Variants in PRORP observed in about 807,000 individuals in gnomAD.
PRORP encodes mitochondrial ribonuclease P catalytic subunit.
In PRORP, 51 loss-of-function variants were observed where a neutral mutation model predicts 59.4. The ratio of observed to expected loss-of-function variants is 0.86; its 90% CI spans 0.69 to 1.08. PRORP has a LOEUF of 1.08. Among genes scored for constraint, PRORP ranks in the 50% least tolerant of loss-of-function variants. The pLI is 0.00. For synonymous variants in PRORP, 231 were observed against 245.6 expected, an observed-to-expected ratio of 0.94 and a Z score of 0.55; for missense variants, 646 against 690.3, an observed-to-expected ratio of 0.94 and a Z score of 0.72.
rs767022790 is a variant in PRORP, at chr14:35,123,827, T to C, written c.582T>C (p.Val194=). 2 of 1,614,058 alleles carry C rather than the reference T, an allele frequency of 1.2e-6. No individual in the cohort carries two copies. Among genetic ancestry groups the C allele is most frequent in the Non-Finnish European group, 1.7e-6 (2 of 1,180,024 alleles). The change falls in exon 2 of 8, where the codon GTT becomes GTC. Residue 194 remains valine, a synonymous_variant. Transcript: ENST00000534898. ...LCVFHMQTSE[V]IDVFEIMKAR... ...TCTTTCATATGCAGACATCTGAAGT[T>C]ATTGATGTCTTTGAAATTATGAAAG... is the stretch of plus-strand genomic sequence containing the variant.
chr14:35,245,212 C>T (rs1419291792), intron 5 of PRORP, among the ~76,000 whole-genome samples: 1 of 152,150 alleles, frequency 6.6e-6, no homozygotes, highest in African/African-American at 2.4e-5. Flanking sequence ...TAGGTCAAAA[C>T]AAAAATTTTT....
chr14:35,267,215 T>C (rs1287595433), intron 6 of PRORP, among the ~76,000 whole-genome samples: 1 of 152,200 alleles, frequency 6.6e-6, no homozygotes, highest in Non-Finnish European at 1.5e-5. Flanking sequence ...GAGCACCTTC[T>C]ATGTTCTTGG....
chr14:35,192,601 T>G (rs574042728), intron 5 of PRORP, among the ~76,000 whole-genome samples: 1 of 152,342 alleles, frequency 6.6e-6, no homozygotes, highest in South Asian at 2.1e-4. Context: ...TTTCAATAAA[T>G]TAGGTTTTCT....
chr14:35,123,190 A>G lies in PRORP; in HGVS notation c.-56A>G. ...CCCCCAATCTCTTTAATTTTGCCATAGAAGAGGGGTTTTTTCAACATCTCT... is the reference window on the plus strand; with the variant it reads ...CCCCCAATCTCTTTAATTTTGCCATGGAAGAGGGGTTTTTTCAACATCTCT... On this transcript the variant is annotated 5_prime_UTR_variant, in exon 2 of 8. It adds an upstream start codon to the 5' untranslated region. Coordinates refer to ENST00000534898, the MANE Select transcript of PRORP (RefSeq NM_014672.4). 5 of 1,537,230 alleles carry G rather than the reference A, an allele frequency of 3.3e-6. No homozygotes were observed. The highest frequency in any genetic ancestry group is 4.4e-6 in the Non-Finnish European group (5 of 1,144,268).
At chr14:35,132,476 G>GA (rs963377760) in intron 4 of PRORP, among the ~76,000 whole-genome samples, 8 of 148,544 alleles carry the variant, frequency 5.4e-5, no homozygotes, top group African/African-American at 2.0e-4. Flanking sequence ...TAAAAAACAA[G>GA]AAAAAAAAGA....
intron 5 of PRORP, among the ~76,000 whole-genome samples, chr14:35,203,047 TAAG>T (rs991901448): frequency 2.6e-5 from 4 of 152,224 alleles, no homozygotes; most frequent in African/African-American, 7.2e-5. Context: ...ATTTTTTTAA[TAAG>T]AAGGTTTTTT....
chr14:35,150,877 C>A (rs1159496538), intron 4 of PRORP, among the ~76,000 whole-genome samples: 1 of 152,036 alleles, frequency 6.6e-6, no homozygotes, highest in Admixed American at 6.6e-5. Context: ...GATAAAGTCA[C>A]CTTTAGGAGG....
intron 7 of PRORP, among the ~76,000 whole-genome samples, chr14:35,272,015 G>A (rs1466957112): frequency 6.7e-6 from 1 of 148,290 alleles, no homozygotes; most frequent in African/African-American, 2.5e-5. Flanking sequence ...GACAGAGCGA[G>A]ACTCCGTCTC....
rs145183019 is a variant in PRORP at position 35,243,743 on chromosome 14, C to T, written c.1276-22984C>T. 1.6e-3 allele frequency among the ~76,000 whole-genome samples: 248 copies of T among 152,180 alleles called. 3 individuals carry two copies. Among genetic ancestry groups the T allele is most frequent in the African/African-American group, 5.8e-3 (241 of 41,524 alleles). The stretch of plus-strand genomic sequence containing the variant: ...CTAGTTCCTTAACCTTGCTGTGGCT[C>T]AGTTTCCCCATAAGTAAAAGGGAAG... On this transcript the variant is annotated intron_variant, in intron 5 of 7. Coordinates refer to ENST00000534898, the MANE Select transcript of PRORP (RefSeq NM_014672.4).
At chr14:35,227,215 G>C (rs2138474283) in intron 5 of PRORP, among the ~76,000 whole-genome samples, 1 of 151,102 alleles carries the variant, frequency 6.6e-6, no homozygotes, top group African/African-American at 2.4e-5. Flanking sequence ...AGGCCGAGGT[G>C]GGTGGATCAC....
At chr14:35,177,450 C>G (rs1202305122) in intron 4 of PRORP, among the ~76,000 whole-genome samples, 1 of 152,156 alleles carries the variant, frequency 6.6e-6, no homozygotes, top group Non-Finnish European at 1.5e-5. Flanking sequence ...AGAGATTCAA[C>G]TTCTTCCTGG....
chr14:35,210,583 A>G (rs1475218063), intron 5 of PRORP, among the ~76,000 whole-genome samples: 1 of 151,566 alleles, frequency 6.6e-6, no homozygotes, highest in Non-Finnish European at 1.5e-5. Flanking sequence ...GAAGAGGCTC[A>G]TGTTGATAAG....
chr14:35,216,630 CAT>C (rs761324709), intron 5 of PRORP, among the ~76,000 whole-genome samples: 12 of 152,114 alleles, frequency 7.9e-5, no homozygotes, highest in Non-Finnish European at 1.6e-4. Context: ...TTTGTGTTGA[CAT>C]GTGTTTTTAT....
At chr14:35,205,950 A>G (rs1340207050) in intron 5 of PRORP, among the ~76,000 whole-genome samples, 1 of 152,172 alleles carries the variant, frequency 6.6e-6, no homozygotes, top group East Asian at 1.9e-4. Context: ...TAAGAAGCTT[A>G]CTATAATCTC....
At chr14:35,201,981 T>A (rs1252369498) in intron 5 of PRORP, among the ~76,000 whole-genome samples, 2 of 150,986 alleles carry the variant, frequency 1.3e-5, no homozygotes, top group African/African-American at 4.9e-5. Context: ...TATTTTTTTT[T>A]TTTTTTGAGA....
chr14:35,251,568 T>C (rs1224140551), intron 5 of PRORP, among the ~76,000 whole-genome samples: 1 of 152,196 alleles, frequency 6.6e-6, no homozygotes, highest in East Asian at 1.9e-4. Flanking sequence ...TTTGTTTGTT[T>C]GTTTGTTTTG....
chr14:35,249,608 T>A (rs1357100541), intron 5 of PRORP, among the ~76,000 whole-genome samples: 3 of 152,094 alleles, frequency 2.0e-5, no homozygotes, highest in African/African-American at 7.2e-5. Context: ...AATTATTACC[T>A]GGCTTTTTTG....
intron 4 of PRORP, among the ~76,000 whole-genome samples, chr14:35,173,902 G>A (rs1021611849): frequency 1.3e-5 from 2 of 151,970 alleles, no homozygotes; most frequent in Non-Finnish European, 2.9e-5. Flanking sequence ...AGTCTCATCG[G>A]TGTGGTGATT....
chr14:35,249,285 T>C (rs1223545597), intron 5 of PRORP, among the ~76,000 whole-genome samples: 2 of 151,996 alleles, frequency 1.3e-5, no homozygotes, highest in African/African-American at 4.8e-5. Flanking sequence ...GGTAATCACA[T>C]AAAAAGTGAA....
Sources: gnomAD v4.1 joint callset for allele counts (sites outside exome capture counted in the v4.1 genomes callset) on GRCh38, gnomAD v4.1.1 for gene constraint, MANE v1.5 for transcripts, NCBI Gene and HGNC (gene_info 2026-07-23, HGNC 2026-07-21) for gene names.